Variants in EIF4G3 observed in about 807,000 individuals in gnomAD.
EIF4G3 encodes the protein eIF-4-gamma 3.
EIF4G3 carries 34 observed loss-of-function variants against 186.4 expected under a neutral mutation model. The observed-to-expected ratio is 0.18, with a 90% confidence interval of 0.14 to 0.24. The LOEUF (loss-of-function observed/expected upper bound fraction) is 0.24, where lower values mean the gene tolerates loss of function less well. Among genes scored for constraint, EIF4G3 ranks in the 10% least tolerant of loss-of-function variants. EIF4G3 has a pLI of 1.00. For missense variants in EIF4G3, 1,536 were observed against 1,948.5 expected (o/e 0.79, Z 3.99); for synonymous variants, 673 against 679.5 (o/e 0.99, Z 0.15).
intron 4 of EIF4G3, among the ~76,000 whole-genome samples, chr1:21,020,604 C>T (rs541547681): frequency 8.1e-4 from 123 of 152,300 alleles, no homozygotes; most frequent in African/African-American, 2.7e-3. Context: ...ACATTTCAAA[C>T]GATGTCCAAG....
In EIF4G3 at chr1:20,899,698, T is replaced by G; in HGVS notation, c.1998A>C (p.Pro666=). The part of the protein sequence containing the change: ...SGDGVTFPFK[P]ESWKPTDTEG... ...ATAGGAAGGCAGGTATAAACTTACCTGGTTTAAATGGAAATGTAACCCCAT... is the reference window on the plus strand; with the variant it reads ...ATAGGAAGGCAGGTATAAACTTACCGGGTTTAAATGGAAATGTAACCCCAT... Residue 666 remains proline (P), a splice_region_variant and synonymous_variant, in exon 16 of 37, where the codon CCA becomes CCC. Transcript: ENST00000602326. 1 of 1,614,106 alleles carries G rather than the reference T, an allele frequency of 6.2e-7. No homozygotes were observed. The highest frequency in any genetic ancestry group is 1.1e-5 in the South Asian group (1 of 91,074).
intron 29 of EIF4G3, chr1:20,841,342 A>G (rs2068522790): frequency 5.6e-6 from 1 of 176,994 alleles, no homozygotes; most frequent in Non-Finnish European, 1.2e-5. Flanking sequence ...GCATCTTTAC[A>G]AAGCTAACAT....
chr1:21,166,450 C>T (rs1023645184), intron 2 of EIF4G3, among the ~76,000 whole-genome samples: 3 of 152,102 alleles, frequency 2.0e-5, no homozygotes, highest in East Asian at 1.9e-4. Flanking sequence ...ATAAGCTGGG[C>T]GCAGTGGCTC....
chr1:20,907,635 T>C (rs2092461884), intron 14 of EIF4G3, among the ~76,000 whole-genome samples: 1 of 149,762 alleles, frequency 6.7e-6, no homozygotes, highest in Admixed American at 6.7e-5. Context: ...AGTGAGAACA[T>C]GTGGTGTTTG....
intron 30 of EIF4G3, among the ~76,000 whole-genome samples, chr1:20,840,535 G>T (rs1307433106): frequency 6.6e-6 from 1 of 152,184 alleles, no homozygotes; most frequent in African/African-American, 2.4e-5. Context: ...AACATTTGGG[G>T]ATCACATGTA....
chr1:20,891,479 A>AG (rs2086015265), intron 18 of EIF4G3, among the ~76,000 whole-genome samples: 1 of 152,148 alleles, frequency 6.6e-6, no homozygotes, highest in Admixed American at 6.5e-5. Context: ...CTGAAAAAAA[A>AG]GGTATAAAAT....
chr1:20,820,132 G>A (rs1267664423), intron 33 of EIF4G3, among the ~76,000 whole-genome samples: 1 of 152,096 alleles, frequency 6.6e-6, no homozygotes, highest in Non-Finnish European at 1.5e-5. Flanking sequence ...CAGGAGCCCT[G>A]CCCTCCCACC....
intron 12 of EIF4G3, among the ~76,000 whole-genome samples, chr1:20,959,146 A>T (rs2096510316): frequency 6.6e-6 from 1 of 152,158 alleles, no homozygotes. Flanking sequence ...AAATCATACA[A>T]GGTTATAGTT....
At chr1:20,974,728 G>A (rs1271226145) in intron 10 of EIF4G3, among the ~76,000 whole-genome samples, 1 of 152,080 alleles carries the variant, frequency 6.6e-6, no homozygotes, top group Admixed American at 6.5e-5. Flanking sequence ...ATATACAGAT[G>A]ACACTAATCC....
intron 14 of EIF4G3, among the ~76,000 whole-genome samples, chr1:20,915,620 C>A (rs72976281): frequency 0.012 from 1,760 of 152,060 alleles, 17 homozygotes; most frequent in Admixed American, 0.028. Flanking sequence ...ACAAAAAAAA[C>A]CATATGATTT....
chr1:21,159,988 C>T (rs1414802105), intron 2 of EIF4G3, among the ~76,000 whole-genome samples: 1 of 152,048 alleles, frequency 6.6e-6, no homozygotes, highest in African/African-American at 2.4e-5. Flanking sequence ...TGCCTGTAAT[C>T]CCAGCTACTC....
At chr1:20,910,367 C>A (rs2092997872) in intron 14 of EIF4G3, among the ~76,000 whole-genome samples, 1 of 152,056 alleles carries the variant, frequency 6.6e-6, no homozygotes, top group South Asian at 2.1e-4. Context: ...GGGCAGATCA[C>A]AAGGTCAGGA....
intron 14 of EIF4G3, among the ~76,000 whole-genome samples, chr1:20,916,311 G>C (rs948734959): frequency 6.6e-6 from 1 of 152,006 alleles, no homozygotes; most frequent in Admixed American, 6.6e-5. Flanking sequence ...CCCGGGCGTG[G>C]TGGTGGACAC....
At position 21,176,252 on chromosome 1, in the gene EIF4G3, C is replaced by T. The variant is rs1573859723; in HGVS notation, c.-349G>A. On this transcript the variant is annotated 5_prime_UTR_variant, in exon 2 of 37. Coordinates refer to ENST00000602326, the MANE Select transcript of EIF4G3 (RefSeq NM_001391906.1). ...CCGCTGCCGCCGCCGCCGCCGCCGC[C>T]GCCGCCGCCGCCGCTGCTGCCGCCG... 5.3e-6 allele frequency: 2 copies of T among 377,748 alleles called. No individual in the cohort carries two copies. Among genetic ancestry groups the T allele is most frequent in the Non-Finnish European group, 4.6e-6 (1 of 218,156 alleles). 23.4% of individuals were successfully genotyped at this position (377,748 alleles called of 1,614,324 possible). A position where few individuals can be genotyped will look rare whatever the true frequency, so the allele number is the denominator to read the frequency against.
chr1:20,881,855 A>T (rs2082413332), intron 19 of EIF4G3, among the ~76,000 whole-genome samples: 1 of 151,942 alleles, frequency 6.6e-6, no homozygotes, highest in Admixed American at 6.6e-5. Context: ...TGCTCTGTGA[A>T]AGACACTGCT....
intron 13 of EIF4G3, among the ~76,000 whole-genome samples, chr1:20,947,318 T>C (rs1230133759): frequency 6.6e-6 from 1 of 151,652 alleles, no homozygotes; most frequent in Non-Finnish European, 1.5e-5. Flanking sequence ...CACTCCATCC[T>C]GGGTGATAGA....
At chr1:21,159,631 T>C (rs1213350141) in intron 2 of EIF4G3, among the ~76,000 whole-genome samples, 1 of 151,764 alleles carries the variant, frequency 6.6e-6, no homozygotes, top group Non-Finnish European at 1.5e-5. Flanking sequence ...TTCCAACTGC[T>C]TGGGAGGCTA....
chr1:20,927,539 A>C (rs2094996866), intron 14 of EIF4G3, among the ~76,000 whole-genome samples: 1 of 152,208 alleles, frequency 6.6e-6, no homozygotes, highest in African/African-American at 2.4e-5. Context: ...GTGTAAGATA[A>C]TGACAGTCTG....
intron 2 of EIF4G3, among the ~76,000 whole-genome samples, chr1:21,163,819 T>A (rs970389032): frequency 6.6e-6 from 1 of 152,222 alleles, no homozygotes; most frequent in Non-Finnish European, 1.5e-5. Context: ...TAGCCCAGGC[T>A]GGAGTACAGT....
Sources: gnomAD v4.1 joint callset for allele counts (sites outside exome capture counted in the v4.1 genomes callset) on GRCh38, gnomAD v4.1.1 for gene constraint, MANE v1.5 for transcripts, NCBI Gene and HGNC (gene_info 2026-07-23, HGNC 2026-07-21) for gene names.